KRT80: variants seen among roughly 807,000 people sequenced by gnomAD.
The protein encoded by KRT80 is keratin 80, also known as keratin, type II cytoskeletal 80.
A neutral mutation model predicts 51.5 loss-of-function variants in KRT80; 36 were observed. That is an observed-to-expected ratio of 0.70 (90% CI 0.54 to 0.92). The LOEUF is 0.92. Ranked by LOEUF, KRT80 falls within the 40% of genes least tolerant of loss-of-function variation. The pLI is 0.00. For missense variants in KRT80, 566 were observed against 591.7 expected (o/e 0.96, Z 0.45); for synonymous variants, 235 against 248.3 (o/e 0.95, Z 0.50).
chr12:52,190,502 T>C (rs1941463896), intron 1 of KRT80, among the ~76,000 whole-genome samples: 1 of 152,212 alleles, frequency 6.6e-6, no homozygotes, highest in Non-Finnish European at 1.5e-5. Context: ...TCCCACCTCA[T>C]GGGGGAGACC....
chr12:52,175,310 A>G (rs181952759), intron 4 of KRT80, among the ~76,000 whole-genome samples: 2 of 151,976 alleles, frequency 1.3e-5, no homozygotes, highest in East Asian at 1.9e-4. Context: ...CCCTGTGCCA[A>G]TGTTCAACGT....
chr12:52,184,379 C>T (rs1452107544), intron 2 of KRT80, among the ~76,000 whole-genome samples: 1 of 152,234 alleles, frequency 6.6e-6, no homozygotes, highest in East Asian at 1.9e-4. Flanking sequence ...TACCTGACCA[C>T]AGAGGGTCAC....
intron 5 of KRT80, 29 bp downstream of exon 5, chr12:52,173,571 C>T (rs1490788647): frequency 6.2e-7 from 1 of 1,608,054 alleles, no homozygotes; most frequent in Non-Finnish European, 8.5e-7. Flanking sequence ...GTCCAGGCTG[C>T]TTCTCGTGCC....
At chr12:52,186,199 C>T (rs544507490) in intron 1 of KRT80, among the ~76,000 whole-genome samples, 1 of 152,178 alleles carries the variant, frequency 6.6e-6, no homozygotes, top group African/African-American at 2.4e-5. Flanking sequence ...CCTGCCTGTC[C>T]TCTCTATTCT....
rs570698069 is a variant in KRT80 at position 52,191,610 on chromosome 12, A to G, written c.293T>C (p.Ile98Thr). 1.0e-4 allele frequency: 160 copies of G among 1,587,270 alleles called. 2 individuals are homozygous for G. The South Asian group carries it at 1.6e-3, about 15-fold the overall frequency. The change falls in exon 1 of 9, where the codon ATT becomes ACT. Residue 98 changes from isoleucine to threonine, a missense_variant. Coordinates refer to ENST00000394815, the MANE Select transcript of KRT80 (RefSeq NM_182507.3). ...KALNDKFASL[I>T]GKVQALEQRN... ...CCCCCTACTTGTGCTCACCTTGCCA[A>G]TTAGGGAGGCAAATTTATCATTGAG... is the stretch of plus-strand genomic sequence containing the variant.
chr12:52,191,594 T>C lies in KRT80; in HGVS notation c.300+9A>G. ...CCCTTCATGTTTGGGACCCCCTACT[T>C]GTGCTCACCTTGCCAATTAGGGAGG... is the stretch of plus-strand genomic sequence containing the variant. On this transcript the variant is annotated intron_variant, in intron 1 of 8. Transcript: ENST00000394815. The C allele has an allele frequency of 6.4e-7, 1 of 1,568,028 alleles. No homozygotes were observed.
chr12:52,190,548 G>A (rs564411402), intron 1 of KRT80, among the ~76,000 whole-genome samples: 1 of 152,380 alleles, frequency 6.6e-6, no homozygotes, highest in South Asian at 2.1e-4. Flanking sequence ...CAGAGGCCAA[G>A]AGCAGACAAG....
intron 6 of KRT80, 101 bp from the exon 7 acceptor site, chr12:52,172,519 G>T: frequency 9.3e-7 from 1 of 1,070,110 alleles, no homozygotes. Context: ...TAGGTGTGGG[G>T]AGGGAGGGCT....
At chr12:52,184,437 C>A (rs946553206) in intron 2 of KRT80, among the ~76,000 whole-genome samples, 1 of 152,316 alleles carries the variant, frequency 6.6e-6, no homozygotes, top group South Asian at 2.1e-4. Flanking sequence ...TTAGACTGGC[C>A]AATTCAGTTC....
chr12:52,181,847 C>T (rs1273203985), intron 2 of KRT80, among the ~76,000 whole-genome samples: 2 of 152,238 alleles, frequency 1.3e-5, no homozygotes, highest in Non-Finnish European at 2.9e-5. Flanking sequence ...CTCGCTGGCC[C>T]CAGCTGCTGT....
At chr12:52,189,404 T>C (rs968842122) in intron 1 of KRT80, among the ~76,000 whole-genome samples, 1 of 152,256 alleles carries the variant, frequency 6.6e-6, no homozygotes, top group African/African-American at 2.4e-5. Context: ...ATATACTTAA[T>C]ATATACCAGA....
rs1360075100 is a variant in KRT80, at chr12:52,173,142, A to T, written c.853T>A (p.Ser285Thr). The change falls in exon 6 of 9, where the codon TCG becomes ACG. Residue 285 changes from serine (S) to threonine (T), a missense_variant. Coordinates refer to ENST00000394815, the MANE Select transcript of KRT80 (RefSeq NM_182507.3). ...RSQLEEQAAR[S>T]AEYGSSLQSS... is the part of the protein sequence containing the mutation. The stretch of plus-strand genomic sequence containing the variant: ...TGGAGGCTGCTCCCATACTCGGCCG[A>T]GCGGGCGGCCTGCTCCTCCAGCTGG... 6.8e-6 allele frequency: 11 copies of T among 1,610,246 alleles called. No homozygotes were observed. Among genetic ancestry groups the T allele is most frequent in the Non-Finnish European group, 9.3e-6 (11 of 1,178,438 alleles).
chr12:52,177,741 A>G (rs556772289), intron 4 of KRT80, among the ~76,000 whole-genome samples: 61 of 151,994 alleles, frequency 4.0e-4, no homozygotes, highest in Admixed American at 3.6e-3. Flanking sequence ...GGGTAGGCCT[A>G]TATTTCTGAT....
At position 52,185,495 on chromosome 12, in the gene KRT80, G is replaced by A. The variant is rs779671646; in HGVS notation, c.393C>T (p.Leu131=). Residue 131 remains leucine (L), a synonymous_variant, in exon 2 of 9, where the codon CTC becomes CTT. Coordinates refer to ENST00000394815, the MANE Select transcript of KRT80 (RefSeq NM_182507.3). ...QDSAIFDLGH[L]YEEYQGRLQE... ...GCAGCCGGCCCTGATATTCCTCATAGAGATGCCCGAGGTCGAAGATGGCTG... is the reference window on the plus strand; with the variant it reads ...GCAGCCGGCCCTGATATTCCTCATAAAGATGCCCGAGGTCGAAGATGGCTG... 10 of 1,613,820 alleles carry A rather than the reference G, an allele frequency of 6.2e-6. No individual in the cohort carries two copies. The highest frequency in any genetic ancestry group is 8.5e-6 in the Non-Finnish European group (10 of 1,180,036).
At chr12:52,186,384 C>T (rs965566285) in intron 1 of KRT80, among the ~76,000 whole-genome samples, 3 of 152,162 alleles carry the variant, frequency 2.0e-5, no homozygotes, top group African/African-American at 7.2e-5. Flanking sequence ...ACTGTGGGGA[C>T]ACCTGGGGAT....
At chr12:52,172,544 C>T (rs1941127026) in intron 6 of KRT80, 126 bp from the exon 7 acceptor site, 1 of 813,536 alleles carries the variant, frequency 1.2e-6, no homozygotes, top group African/African-American at 1.7e-5. Flanking sequence ...AATGGCATTT[C>T]TGGGTGTGGT....
intron 1 of KRT80, 140 bp from the exon 2 acceptor site, chr12:52,185,727 A>G (rs772642684): frequency 5.3e-6 from 8 of 1,501,784 alleles, no homozygotes; most frequent in Non-Finnish European, 7.1e-6. Context: ...GCGCTCACTC[A>G]GCAGAAAGCA....
intron 6 of KRT80, among the ~76,000 whole-genome samples, chr12:52,172,797 G>T (rs994668758): frequency 6.6e-6 from 1 of 152,240 alleles, no homozygotes; most frequent in East Asian, 1.9e-4. Context: ...GTAGTGTGGG[G>T]GCTTTCTAAC....
At position 52,171,605 on chromosome 12, in the gene KRT80, C is replaced by T. The variant is rs748880003; in HGVS notation, c.1234+53G>A. ...AAATGATGCCTTTAGGATCATGATC[C>T]CCTACACCCTCACCCTCACCCCACC... On this transcript the variant is annotated intron_variant, in intron 8 of 8. Coordinates refer to ENST00000394815, the MANE Select transcript of KRT80 (RefSeq NM_182507.3). The T allele has an allele frequency of 5.0e-6, 8 of 1,607,728 alleles. No individual in the cohort carries two copies. The South Asian group carries it at 5.6e-5, about 11-fold the overall frequency.
Sources: gnomAD v4.1 joint callset for allele counts (sites outside exome capture counted in the v4.1 genomes callset) on GRCh38, gnomAD v4.1.1 for gene constraint, MANE v1.5 for transcripts, NCBI Gene and HGNC (gene_info 2026-07-23, HGNC 2026-07-21) for gene names.